CEP76: variants seen among roughly 807,000 people sequenced by gnomAD.
CEP76 encodes the protein centrosomal protein of 76 kDa.
Under a neutral mutation model 83.3 loss-of-function variants are expected in CEP76, and 55 were observed. The observed-to-expected ratio is 0.66, with a 90% CI of 0.53 to 0.83. CEP76 has a LOEUF of 0.83. CEP76 is among the 40% of genes least tolerant of loss of function. The pLI is 0.00. For missense variants in CEP76, 694 were observed against 799.5 expected (o/e 0.87, Z 1.59); for synonymous variants, 270 against 274.5 (o/e 0.98, Z 0.16).
At chr18:12,663,762 A>G (rs2038747625) in intron 12 of CEP76, among the ~76,000 whole-genome samples, 1 of 151,854 alleles carries the variant, frequency 6.6e-6, no homozygotes, top group African/African-American at 2.4e-5. Flanking sequence ...ATTTTTCCTG[A>G]TTGATTGTGT....
At chr18:12,687,645 T>C (rs1336194502) in intron 7 of CEP76, among the ~76,000 whole-genome samples, 1 of 151,436 alleles carries the variant, frequency 6.6e-6, no homozygotes, top group Non-Finnish European at 1.5e-5. Flanking sequence ...AGAGATGGGG[T>C]TTCACGATGT....
intron 5 of CEP76, among the ~76,000 whole-genome samples, chr18:12,696,713 T>G (rs959154642): frequency 2.0e-5 from 3 of 152,112 alleles, no homozygotes; most frequent in Non-Finnish European, 4.4e-5. Context: ...ATAAATAAGA[T>G]AGGCACCAGC....
chr18:12,700,900 T>C, intron 2 of CEP76, 58 bp downstream of exon 2: 1 of 1,378,280 alleles, frequency 7.3e-7, no homozygotes. Flanking sequence ...TTATAAGTAG[T>C]GTTACGCATT....
intron 12 of CEP76, among the ~76,000 whole-genome samples, chr18:12,666,531 C>T (rs1024249699): frequency 1.3e-5 from 2 of 148,682 alleles, no homozygotes; most frequent in Admixed American, 1.4e-4. Context: ...CTCCTAACGT[C>T]CCGCCTCAAT....
At chr18:12,682,529 A>C (rs1377996967) in intron 8 of CEP76, among the ~76,000 whole-genome samples, 3 of 152,108 alleles carry the variant, frequency 2.0e-5, no homozygotes, top group African/African-American at 7.2e-5. Flanking sequence ...TGGTGGTGCT[A>C]AAGTTTTTTA....
intron 3 of CEP76, 148 bp downstream of exon 3, chr18:12,699,682 C>T (rs1237364272): frequency 9.5e-6 from 5 of 527,942 alleles, no homozygotes; most frequent in Non-Finnish European, 1.7e-5. Context: ...ATACTTCATG[C>T]AAAACAATCT....
chr18:12,686,064 A>C, intron 8 of CEP76, 198 bp downstream of exon 8: 1 of 461,118 alleles, frequency 2.2e-6, no homozygotes, highest in Non-Finnish European at 3.8e-6. Flanking sequence ...TTTAATTTGT[A>C]CTATTTTTTA....
chr18:12,673,617 T>A, intron 11 of CEP76, 114 bp from the exon 12 acceptor site: 1 of 768,538 alleles, frequency 1.3e-6, no homozygotes, highest in African/African-American at 1.9e-5. Context: ...TGGTGGCTCA[T>A]GCCTGTAATC....
At chr18:12,669,614 C>T (rs1010415929), downstream of CEP76, among the ~76,000 whole-genome samples, 2 of 152,072 alleles carry the variant, frequency 1.3e-5, no homozygotes, top group Non-Finnish European at 2.9e-5. Flanking sequence ...TCAAGAACAC[C>T]ACCTTGGAGA....
chr18:12,700,913 T>C, intron 2 of CEP76, 45 bp downstream of exon 2: 1 of 1,495,150 alleles, frequency 6.7e-7, no homozygotes, highest in African/African-American at 1.4e-5. Flanking sequence ...TACGCATTAG[T>C]ATATACATAT....
chr18:12,693,530 T>C (rs960095714), intron 6 of CEP76, among the ~76,000 whole-genome samples: 2 of 152,164 alleles, frequency 1.3e-5, no homozygotes, highest in African/African-American at 4.8e-5. Flanking sequence ...TTAAAACTCA[T>C]GTATACCACT....
At chr18:12,698,369 ATGTTG>A (rs2040035584) in intron 4 of CEP76, among the ~76,000 whole-genome samples, 2 of 152,066 alleles carry the variant, frequency 1.3e-5, no homozygotes, top group African/African-American at 2.4e-5. Context: ...GGGTTTCGAC[ATGTTG>A]GCTAGGCTGG....
intron 5 of CEP76, among the ~76,000 whole-genome samples, chr18:12,696,236 T>C (rs1042100551): frequency 4.6e-5 from 7 of 152,142 alleles, no homozygotes; most frequent in African/African-American, 1.7e-4. Flanking sequence ...CTGGGCGCGG[T>C]GACTCACGCC....
In CEP76 at chr18:12,686,556, C is replaced by A. The variant is rs996205008; in HGVS notation, c.934-106G>T. 8.6e-6 allele frequency: 7 copies of A among 809,914 alleles called. No individual in the cohort carries two copies. The East Asian group carries it at 1.6e-4, about 18-fold the overall frequency. The allele number at this position is 809,914 out of a possible 1,614,324, so 50.2% of individuals were successfully genotyped here. On this transcript the variant is annotated intron_variant, in intron 7 of 11. Transcript: ENST00000262127. ...TAAAATAATTCAGCATACCATTGAT[C>A]GAGTGCTTACCTTGTATCCAGTATT...
At position 12,673,708 on chromosome 18, in the gene CEP76, C is replaced by T. The variant is rs146390170; in HGVS notation, c.1842-205G>A. Among the ~76,000 whole-genome samples, 1,457 of 152,052 alleles carry T rather than the reference C, an allele frequency of 9.6e-3. 25 individuals are homozygous for T. The highest frequency in any genetic ancestry group is 0.034 in the African/African-American group (1,399 of 41,488). ...CAGCTTGGCCAACATAGTGAAACCC[C>T]GCCTCTACTAAAAATTACAAAAATT... On this transcript the variant is annotated intron_variant, in intron 11 of 11. Coordinates refer to ENST00000262127, the MANE Select transcript of CEP76 (RefSeq NM_024899.4).
In CEP76 at chr18:12,700,977, T is replaced by C. The variant is rs755209478; in HGVS notation, c.200A>G (p.Lys67Arg). ...ACTCACAGTAACAAAATTAAGTTCT[T>C]TCATCACATCGTCAATGATTCCTCG... ...RRRGIIDDVMKELNFVTDSVE... is the reference protein window; with the variant it reads ...RRRGIIDDVMRELNFVTDSVE... Residue 67 changes from lysine (K) to arginine (R), a missense_variant, in exon 2 of 12, where the codon AAA becomes AGA. Physicochemically the swap from Lys to Arg is conservative, Grantham distance 26. Coordinates refer to ENST00000262127, the MANE Select transcript of CEP76 (RefSeq NM_024899.4). 1 of 1,613,410 alleles carries C rather than the reference T, an allele frequency of 6.2e-7. No homozygotes were observed. The highest frequency in any genetic ancestry group is 8.5e-7 in the Non-Finnish European group (1 of 1,179,716).
chr18:12,667,918 C>T (rs1208080564), downstream of CEP76, among the ~76,000 whole-genome samples: 9 of 129,506 alleles, frequency 6.9e-5, no homozygotes, highest in South Asian at 2.4e-4. Flanking sequence ...GAAAAAAACA[C>T]GAGGGAAAAG....
At position 12,698,973 on chromosome 18, in the gene CEP76, T is replaced by C. The variant is rs771305503; in HGVS notation, c.520+6A>G. On this transcript the variant is annotated splice_donor_region_variant and intron_variant, in intron 4 of 11. Transcript: ENST00000262127. ...AATTAAATGACAATTTATTACTGTT[T>C]CTTACCCAAGCTTTCTCTGTGTACT... 6.3e-7 allele frequency: 1 copy of C among 1,585,642 alleles called. No individual in the cohort carries two copies. Among genetic ancestry groups the C allele is most frequent in the East Asian group, 2.2e-5 (1 of 44,566 alleles).
chr18:12,673,312 A>G lies in CEP76; in HGVS notation c.*53T>C, dbSNP rs2038995821. 1 of 1,560,374 alleles carries G rather than the reference A, an allele frequency of 6.4e-7. No homozygotes were observed. Among genetic ancestry groups the G allele is most frequent in the Non-Finnish European group, 8.6e-7 (1 of 1,161,320 alleles). ...ACCTCTAAATAGCTAAGTAATGTAC[A>G]ATGTGTAAAATTCCAATTAAACACA... On this transcript the variant is annotated 3_prime_UTR_variant, in exon 12 of 12. Transcript: ENST00000262127.
Sources: gnomAD v4.1 joint callset for allele counts (sites outside exome capture counted in the v4.1 genomes callset) on GRCh38, gnomAD v4.1.1 for gene constraint, MANE v1.5 for transcripts, NCBI Gene and HGNC (gene_info 2026-07-23, HGNC 2026-07-21) for gene names.